ZNF286A: variants seen among roughly 807,000 people sequenced by gnomAD.
The protein encoded by ZNF286A is zinc finger protein ZNF286.
A neutral mutation model predicts 49.3 loss-of-function variants in ZNF286A; 34 were observed. The ratio of observed to expected loss-of-function variants is 0.69; its 90% confidence interval spans 0.52 to 0.92. The LOEUF (loss-of-function observed/expected upper bound fraction) is 0.92, where lower values mean the gene tolerates loss of function less well. ZNF286A is among the 40% of genes least tolerant of loss of function. The pLI is 0.00. For synonymous variants in ZNF286A, 155 were observed against 200.4 expected, an observed-to-expected ratio of 0.77 and a Z score of 1.91; for missense variants, 462 against 600.2, an observed-to-expected ratio of 0.77 and a Z score of 2.41.
In ZNF286A at chr17:15,699,808, C is replaced by A. The variant is rs1035596390; in HGVS notation, c.-196+31C>A. The A allele has an allele frequency of 4.7e-5, 33 of 702,878 alleles. No homozygotes were observed. The African/African-American group carries it at 5.6e-4, about 12-fold the overall frequency. 43.5% of individuals were successfully genotyped at this position (702,878 alleles called of 1,614,324 possible). A position where few individuals can be genotyped will look rare whatever the true frequency, so the allele number is the denominator to read the frequency against. On this transcript the variant is annotated intron_variant, in intron 1 of 5. Coordinates refer to ENST00000583566, the MANE Select transcript of ZNF286A (RefSeq NM_001130842.2). The stretch of plus-strand genomic sequence containing the variant: ...TTGCTTGTGGTGATGTCGCTCGTCT[C>A]GGCTCGGCCTCGGCGGTGGTTCCCC...
chr17:15,712,094 A>C (rs62071726), intron 5 of ZNF286A, among the ~76,000 whole-genome samples: 2,415 of 152,114 alleles, frequency 0.016, 14 homozygotes, highest in Non-Finnish European at 0.025. Flanking sequence ...GGATGATCTC[A>C]GTCTCCTGAC....
rs190267080 is a variant in ZNF286A, at chr17:15,707,695, C to A, written c.242-460C>A. ...TGTATTTTCCAAATCCAATTGAACT[C>A]CTTACCAGGCCCAGACTCTTGCTGC... On this transcript the variant is annotated intron_variant, in intron 4 of 5. Transcript: ENST00000583566. Among the ~76,000 whole-genome samples the A allele has an allele frequency of 2.6e-5, 4 of 152,316 alleles. No homozygotes were observed. In the East Asian group the frequency reaches 7.7e-4, roughly 29 times the overall value.
Position 15,716,518 on chromosome 17 carries a change from A to G in ZNF286A, c.794A>G (p.His265Arg), listed in dbSNP as rs1323294837. ...HSVLIRHQRV[H>R]TGEKPYTCNE... ...GTGCTTATTCGACACCAGAGAGTCCATACTGGAGAGAAACCCTATACCTGC... is the reference window on the plus strand; with the variant it reads ...GTGCTTATTCGACACCAGAGAGTCCGTACTGGAGAGAAACCCTATACCTGC... The change falls in exon 6 of 6, where the codon CAT (histidine) becomes CGT (arginine). Residue 265 changes from histidine (H) to arginine (R), a missense_variant. Transcript: ENST00000583566. 4 of 1,614,032 alleles carry G rather than the reference A, an allele frequency of 2.5e-6. No individual in the cohort carries two copies. Among genetic ancestry groups the G allele is most frequent in the South Asian group, 1.1e-5 (1 of 91,092 alleles).
At chr17:15,716,027 C>T (rs758266289) in intron 5 of ZNF286A, 32 bp from the exon 6 acceptor site, 20 of 1,613,656 alleles carry the variant, frequency 1.2e-5, no homozygotes, top group African/African-American at 2.7e-5. Context: ...GCACAGAAAA[C>T]GAAGGAAATT....
chr17:15,715,589 C>T (rs559029645), intron 5 of ZNF286A, among the ~76,000 whole-genome samples: 2 of 152,036 alleles, frequency 1.3e-5, no homozygotes, highest in East Asian at 3.9e-4. Context: ...GTTATAAAAG[C>T]ATTGTTAGGA....
chr17:15,703,945 T>C (rs1401667488), intron 3 of ZNF286A, among the ~76,000 whole-genome samples: 2 of 152,078 alleles, frequency 1.3e-5, no homozygotes, highest in Non-Finnish European at 1.5e-5. Context: ...TTTAGTTATG[T>C]ATATGCAGAT....
intron 3 of ZNF286A, among the ~76,000 whole-genome samples, chr17:15,703,566 CT>C (rs1324097472): frequency 2.6e-5 from 4 of 151,872 alleles, no homozygotes; most frequent in Non-Finnish European, 5.9e-5. Flanking sequence ...GTCCCTGCCT[CT>C]CTCTACTATG....
At chr17:15,701,595 G>C (rs1025935936) in intron 3 of ZNF286A, 1 of 167,486 alleles carries the variant, frequency 6.0e-6, no homozygotes, top group African/African-American at 2.4e-5. Flanking sequence ...CAGCATGTAT[G>C]TGACCTTAAG....
intron 3 of ZNF286A, among the ~76,000 whole-genome samples, chr17:15,705,085 G>A (rs1034731203): frequency 1.3e-5 from 2 of 152,022 alleles, no homozygotes; most frequent in Non-Finnish European, 2.9e-5. Flanking sequence ...CCCGGTGCCC[G>A]GCAGCACTTA....
At chr17:15,708,381 T>G (rs1398817099) in intron 5 of ZNF286A, 134 bp downstream of exon 5, 3 of 526,208 alleles carry the variant, frequency 5.7e-6, no homozygotes, top group East Asian at 3.4e-5. Flanking sequence ...ATTTAAAATA[T>G]ATACAGAAGT....
rs774474227 is a variant in ZNF286A, at chr17:15,716,363, A to T, written c.639A>T (p.Gly213=). The part of the protein sequence containing the change: ...VLITEDRVPK[G]SYAFHTLEKS... ...TCACTGAAGACAGAGTTCCCAAAGGATCTTATGCCTTCCATACACTTGAAA... is the reference window on the plus strand; with the variant it reads ...TCACTGAAGACAGAGTTCCCAAAGGTTCTTATGCCTTCCATACACTTGAAA... Residue 213 remains glycine, a synonymous_variant, in exon 6 of 6, where the codon GGA becomes GGT. Transcript: ENST00000583566. The T allele has an allele frequency of 6.2e-7, 1 of 1,613,860 alleles. No individual in the cohort carries two copies. The highest frequency in any genetic ancestry group is 8.5e-7 in the Non-Finnish European group (1 of 1,179,900).
chr17:15,709,643 CTG>C (rs1297264934), intron 5 of ZNF286A, among the ~76,000 whole-genome samples: 1 of 151,980 alleles, frequency 6.6e-6, no homozygotes, highest in Non-Finnish European at 1.5e-5. Context: ...GTAAAACAAT[CTG>C]TATGTTTTAT....
In ZNF286A at chr17:15,706,370, A is replaced by G. The variant is rs138466250; in HGVS notation, c.127-17A>G. The G allele has an allele frequency of 6.2e-7, 1 of 1,606,948 alleles. No homozygotes were observed. On this transcript the variant is annotated splice_polypyrimidine_tract_variant and intron_variant, in intron 3 of 5. Coordinates refer to ENST00000583566, the MANE Select transcript of ZNF286A (RefSeq NM_001130842.2). ...TAATTAAGGGAAAGATGTTGAAAAA[A>G]ATATTTTATGTTTTAGGAAACAGTG...
At chr17:15,708,442 C>G (rs752051948) in intron 5 of ZNF286A, 195 bp downstream of exon 5, 17 of 406,266 alleles carry the variant, frequency 4.2e-5, no homozygotes, top group Non-Finnish European at 5.6e-5. Flanking sequence ...TAGACACGTA[C>G]TAATATTTTG....
chr17:15,703,425 C>T (rs546168048), intron 3 of ZNF286A, among the ~76,000 whole-genome samples: 2 of 151,464 alleles, frequency 1.3e-5, no homozygotes, highest in African/African-American at 2.4e-5. Flanking sequence ...TTAGAATTTG[C>T]CTGGGCTATT....
rs1226000552 is a variant in ZNF286A, at chr17:15,717,634, A to G, written c.*344A>G. On this transcript the variant is annotated 3_prime_UTR_variant, in exon 6 of 6. Transcript: ENST00000583566. ...GTCAGAGCTTTGTTGTAAGCCTCTCACTTTGTAAGGAAATTCTTATTGGGT... is the reference window on the plus strand; with the variant it reads ...GTCAGAGCTTTGTTGTAAGCCTCTCGCTTTGTAAGGAAATTCTTATTGGGT... The G allele has an allele frequency of 4.4e-6, 1 of 229,820 alleles. No homozygotes were observed. The highest frequency in any genetic ancestry group is 8.5e-6 in the Non-Finnish European group (1 of 117,016). The allele number at this position is 229,820 out of a possible 1,614,324, so 14.2% of individuals were successfully genotyped here. A position where few individuals can be genotyped will look rare whatever the true frequency, so the allele number is the denominator to read the frequency against.
At chr17:15,702,544 A>G (rs1383120970) in intron 3 of ZNF286A, among the ~76,000 whole-genome samples, 1 of 152,174 alleles carries the variant, frequency 6.6e-6, no homozygotes, top group African/African-American at 2.4e-5. Flanking sequence ...GAGGAGGAAA[A>G]AAGGAGCTTT....
chr17:15,704,068 T>TATTA (rs138745890), intron 3 of ZNF286A, among the ~76,000 whole-genome samples: 3,157 of 140,606 alleles, frequency 0.022, 54 homozygotes, highest in South Asian at 0.05. Flanking sequence ...TTATTATTAT[T>TATTA]TTTTTTTTTT....
chr17:15,708,280 A>T, intron 5 of ZNF286A, 33 bp downstream of exon 5: 1 of 1,521,712 alleles, frequency 6.6e-7, no homozygotes, highest in East Asian at 2.4e-5. Context: ...TTCATAAATG[A>T]TAGCCCAGCA....
Sources: gnomAD v4.1 joint callset for allele counts (sites outside exome capture counted in the v4.1 genomes callset) on GRCh38, gnomAD v4.1.1 for gene constraint, MANE v1.5 for transcripts, NCBI Gene and HGNC (gene_info 2026-07-23, HGNC 2026-07-21) for gene names.